The following DAAM2 variants were observed in gnomAD, a reference collection of about 807,000 sequenced individuals.
The protein encoded by DAAM2 is disheveled-associated activator of morphogenesis 2.
DAAM2 carries 39 observed loss-of-function variants against 120.7 expected under a neutral mutation model. The observed-to-expected ratio is 0.32, with a 90% CI of 0.25 to 0.42. The LOEUF (loss-of-function observed/expected upper bound fraction) is 0.42. Among genes scored for constraint, DAAM2 ranks in the 10% least tolerant of loss-of-function variants. The pLI is 1.00. For missense variants in DAAM2, 1,283 were observed against 1,401.7 expected (o/e 0.92, Z 1.35); for synonymous variants, 488 against 524.9 (o/e 0.93, Z 0.96).
intron 15 of DAAM2, chr6:39,886,777 A>G (rs1016706457): frequency 2.3e-5 from 6 of 259,784 alleles, no homozygotes; most frequent in Non-Finnish European, 4.3e-5. Flanking sequence ...AAAGATAACC[A>G]TGCAAGGCGG....
Position 39,904,494 on chromosome 6 carries a change from C to A in DAAM2, c.*2457C>A, listed in dbSNP as rs1037287981. The A allele has an allele frequency of 2.2e-5, 10 of 454,408 alleles. No homozygotes were observed. The highest frequency in any genetic ancestry group is 1.8e-4 in the African/African-American group (9 of 50,102). The allele number at this position is 454,408 out of a possible 1,614,324, so 28.1% of individuals were successfully genotyped here. A position where few individuals can be genotyped will look rare whatever the true frequency, so the allele number is the denominator to read the frequency against. ...GCTCCTGCCACCTTTAGATAAGTTT[C>A]TCTAGCTAATTTTGTGGCCAATGTA... On this transcript the variant is annotated 3_prime_UTR_variant, in exon 25 of 25. Coordinates refer to ENST00000274867, the MANE Select transcript of DAAM2 (RefSeq NM_001201427.2).
chr6:39,818,344 G>T (rs936151052), intron 1 of DAAM2, among the ~76,000 whole-genome samples: 1 of 152,092 alleles, frequency 6.6e-6, no homozygotes, highest in Non-Finnish European at 1.5e-5. Context: ...AAGGACCCAG[G>T]AAGTACCATC....
chr6:39,842,779 T>C (rs1372607126), intron 1 of DAAM2, among the ~76,000 whole-genome samples: 1 of 151,362 alleles, frequency 6.6e-6, no homozygotes, highest in Non-Finnish European at 1.5e-5. Context: ...TTGGAGTGGT[T>C]AGGGAGGCTG....
In DAAM2 at chr6:39,878,096, A is replaced by C. The variant is rs1034910087; in HGVS notation, c.1302-107A>C. On this transcript the variant is annotated intron_variant, in intron 11 of 24. Coordinates refer to ENST00000274867, the MANE Select transcript of DAAM2 (RefSeq NM_001201427.2). This position sits in a 1 kb window ranked among gnomAD's most constrained non-coding sequence, Gnocchi z 5.0. ...TAGCCCCCTTGATGTGGCTGGACAG[A>C]TTGGAGACCAGGGTCCCCACCTGGA... The C allele has an allele frequency of 1.7e-6, 2 of 1,176,568 alleles. No homozygotes were observed. The highest frequency in any genetic ancestry group is 3.0e-5 in the African/African-American group (2 of 66,082). 72.9% of individuals were successfully genotyped at this position (1,176,568 alleles called of 1,614,324 possible).
Position 39,901,996 on chromosome 6 carries a change from G to C in DAAM2, c.3166G>C (p.Glu1056Gln), listed in dbSNP as rs780667144. The C allele has an allele frequency of 1.3e-5, 21 of 1,611,628 alleles. No individual in the cohort carries two copies. The highest frequency in any genetic ancestry group is 8.5e-6 in the Non-Finnish European group (10 of 1,178,282). The change falls in exon 25 of 25, where the codon GAA becomes CAA. Residue 1056 changes from glutamate (E) to glutamine (Q), a missense_variant. Coordinates refer to ENST00000274867, the MANE Select transcript of DAAM2 (RefSeq NM_001201427.2). This position sits in a 1 kb window ranked among gnomAD's most constrained non-coding sequence, Gnocchi z 4.5. ...CAAGCGATCAGGGAGCCAGGCCCTG[G>C]AAGTTACCCGGGAGCGGGCAATAAA... Reference protein sequence around the residue: ...SRKRSGSQALEVTRERAINRL... With the variant: ...SRKRSGSQALQVTRERAINRL...
At chr6:39,830,463 C>T (rs72857126) in intron 1 of DAAM2, among the ~76,000 whole-genome samples, 1,756 of 152,264 alleles carry the variant, frequency 0.012, 21 homozygotes, top group Middle Eastern at 0.027. Context: ...TGAGTCCAGA[C>T]TGTGCTTGTG....
At chr6:39,808,939 A>G (rs1163168447) in intron 1 of DAAM2, among the ~76,000 whole-genome samples, 1 of 152,210 alleles carries the variant, frequency 6.6e-6, no homozygotes, top group Admixed American at 6.5e-5. Flanking sequence ...AAATCATGGG[A>G]GCGTGGTTTC....
intron 5 of DAAM2, chr6:39,867,297 T>C: frequency 1.7e-6 from 1 of 576,210 alleles, no homozygotes; most frequent in Non-Finnish European, 3.1e-6. Context: ...CTGACAATGA[T>C]ATGCAAATAC....
Position 39,864,513 on chromosome 6 carries a change from T to A in DAAM2, c.333+6T>A. On this transcript the variant is annotated splice_donor_region_variant and intron_variant, in intron 4 of 24. Coordinates refer to ENST00000274867, the MANE Select transcript of DAAM2 (RefSeq NM_001201427.2). ...GCATCAATTCCATGGCTGCGGTGAG[T>A]GGCTGCCCCTCTCCTGCCCTGCCCC... 1 of 1,606,226 alleles carries A rather than the reference T, an allele frequency of 6.2e-7. No individual in the cohort carries two copies. Among genetic ancestry groups the A allele is most frequent in the Non-Finnish European group, 8.5e-7 (1 of 1,177,166 alleles).
chr6:39,860,129 C>T (rs1379318446), intron 2 of DAAM2, among the ~76,000 whole-genome samples: 2 of 152,180 alleles, frequency 1.3e-5, no homozygotes, highest in African/African-American at 4.8e-5. Flanking sequence ...TTTTCAGGGG[C>T]CGTCTAGCAC....
At chr6:39,853,942 G>A (rs1247822739) in intron 1 of DAAM2, among the ~76,000 whole-genome samples, 1 of 152,194 alleles carries the variant, frequency 6.6e-6, no homozygotes, top group Non-Finnish European at 1.5e-5. Context: ...CTACCTGCCT[G>A]AAGAGTTGGT....
chr6:39,793,795 C>T (rs1014072499), intron 1 of DAAM2, among the ~76,000 whole-genome samples: 1 of 152,192 alleles, frequency 6.6e-6, no homozygotes, highest in Non-Finnish European at 1.5e-5. Flanking sequence ...CAGGCACTGC[C>T]TGTCAATAGC....
chr6:39,883,238 G>A lies in DAAM2; in HGVS notation c.1846-724G>A, dbSNP rs114047532. On this transcript the variant is annotated intron_variant, in intron 14 of 24. Transcript: ENST00000274867. ...AGCCAGGATCCAGACCCTAGTGCAA[G>A]GGTCCTACACAGAGATGGGGCAAGG... Among the ~76,000 whole-genome samples the A allele has an allele frequency of 4.8e-3, 719 of 151,048 alleles. 4 individuals carry two copies. Among genetic ancestry groups the A allele is most frequent in the Non-Finnish European group, 7.7e-3 (525 of 67,860 alleles).
chr6:39,846,208 G>A (rs1023955812), intron 1 of DAAM2, among the ~76,000 whole-genome samples: 4 of 152,132 alleles, frequency 2.6e-5, no homozygotes, highest in African/African-American at 4.8e-5. Flanking sequence ...TTACCTGCAC[G>A]TACCCAGCCC....
chr6:39,884,308 A>C (rs1312122540), intron 15 of DAAM2: 1 of 445,648 alleles, frequency 2.2e-6, no homozygotes, highest in African/African-American at 1.9e-5. Flanking sequence ...AGGTGCACAG[A>C]CCATAGGGGG....
chr6:39,877,426 A>G (rs1764918126), intron 11 of DAAM2, among the ~76,000 whole-genome samples: 2 of 152,252 alleles, frequency 1.3e-5, no homozygotes, highest in South Asian at 4.1e-4. Context: ...CCTTCCTTGG[A>G]TGGTGGTGAA....
Position 39,869,310 on chromosome 6 carries a change from C to T in DAAM2, c.873+377C>T, listed in dbSNP as rs150480939. Among the ~76,000 whole-genome samples the T allele has an allele frequency of 4.7e-3, 711 of 152,160 alleles. 2 individuals carry two copies. The highest frequency in any genetic ancestry group is 0.016 in the African/African-American group (683 of 41,494). On this transcript the variant is annotated intron_variant, in intron 7 of 24. Coordinates refer to ENST00000274867, the MANE Select transcript of DAAM2 (RefSeq NM_001201427.2). ...AGTATAAAAATAGCAACAGGCTGGG[C>T]GTGGTGGCTCATGCCTGTAATCCCA...
chr6:39,872,228 C>A (rs79096139), intron 9 of DAAM2, among the ~76,000 whole-genome samples: 1,748 of 152,272 alleles, frequency 0.011, 19 homozygotes, highest in East Asian at 0.048. Context: ...TTGGGAAACA[C>A]CCTCACAGAC....
At chr6:39,849,805 C>G (rs1006175601) in intron 1 of DAAM2, among the ~76,000 whole-genome samples, 3 of 152,030 alleles carry the variant, frequency 2.0e-5, no homozygotes, top group Non-Finnish European at 2.9e-5. Flanking sequence ...GATGTGTGGG[C>G]AGAGAGTCTG....
Sources: allele counts gnomAD v4.1 joint callset (sites outside exome capture counted in the v4.1 genomes callset), GRCh38; gene constraint gnomAD v4.1.1; non-coding constraint Gnocchi (gnomAD v3.1); transcripts MANE v1.5; gene names NCBI Gene and HGNC (gene_info 2026-07-23, HGNC 2026-07-21).